The following NRG3 variants were observed in gnomAD, a reference collection of about 807,000 sequenced individuals.
NRG3 encodes neuregulin 3, also known as pro-neuregulin-3, membrane-bound isoform.
In NRG3, 31 loss-of-function variants were observed where a neutral mutation model predicts 66.9. The observed-to-expected ratio is 0.46, with a 90% CI of 0.35 to 0.63. The LOEUF is 0.63. NRG3 is among the 20% of genes least tolerant of loss of function. The probability of loss-of-function intolerance (pLI) is 0.00; values close to 1 mark genes in which losing one functional copy is unlikely to be tolerated. For missense variants in NRG3, 910 were observed against 878.9 expected (o/e 1.04, Z -0.45); for synonymous variants, 393 against 359.4 (o/e 1.09, Z -1.06).
rs546005439 is a variant in NRG3, at chr10:82,981,401, A to G, written c.1583+2281A>G. Among the ~76,000 whole-genome samples the G allele has an allele frequency of 3.9e-5, 6 of 152,302 alleles. No individual in the cohort carries two copies. In the East Asian group the frequency reaches 1.2e-3, roughly 29 times the overall value. On this transcript the variant is annotated intron_variant, in intron 8 of 8. Coordinates refer to ENST00000372141, the MANE Select transcript of NRG3 (RefSeq NM_001010848.4). ...CCAGCACAATGAATCTCAGGGAGCAATCTCATTCTCAGTTCTTAAAAACAG... is the reference window on the plus strand; with the variant it reads ...CCAGCACAATGAATCTCAGGGAGCAGTCTCATTCTCAGTTCTTAAAAACAG...
At chr10:81,920,631 A>G (rs1846168866) in intron 1 of NRG3, among the ~76,000 whole-genome samples, 1 of 152,226 alleles carries the variant, frequency 6.6e-6, no homozygotes, top group Non-Finnish European at 1.5e-5. Context: ...AATAATCTGT[A>G]ATTATGCCAA....
Position 82,057,358 on chromosome 10 carries a change from A to T in NRG3, c.823+181195A>T, listed in dbSNP as rs187570567. Among the ~76,000 whole-genome samples the T allele has an allele frequency of 1.7e-3, 255 of 152,038 alleles. 1 individual carries two copies. Among genetic ancestry groups the T allele is most frequent in the Middle Eastern group, 6.8e-3 (2 of 292 alleles). ...TATTTAAACATGTTACACATGCATG[A>T]TTTATAGTCTCTGTGTCATAAGTCC... is the stretch of plus-strand genomic sequence containing the variant. On this transcript the variant is annotated intron_variant, in intron 1 of 8. Coordinates refer to ENST00000372141, the MANE Select transcript of NRG3 (RefSeq NM_001010848.4).
At chr10:82,371,109 A>T (rs1176839201) in intron 2 of NRG3, among the ~76,000 whole-genome samples, 1 of 152,154 alleles carries the variant, frequency 6.6e-6, no homozygotes, top group Non-Finnish European at 1.5e-5. Context: ...TGGGAAGCCA[A>T]CAGAATCTAG....
intron 1 of NRG3, among the ~76,000 whole-genome samples, chr10:81,919,745 A>C (rs1056447338): frequency 6.6e-6 from 1 of 152,108 alleles, no homozygotes; most frequent in East Asian, 1.9e-4. Context: ...TGAAGCACTA[A>C]GGCACTCGAC....
At chr10:82,584,753 A>T (rs1289738222) in intron 2 of NRG3, among the ~76,000 whole-genome samples, 2 of 152,182 alleles carry the variant, frequency 1.3e-5, no homozygotes, top group Non-Finnish European at 2.9e-5. Context: ...GAGAATGCAG[A>T]TATAAGCATG....
At chr10:81,995,406 A>G (rs1175437458) in intron 1 of NRG3, among the ~76,000 whole-genome samples, 1 of 152,120 alleles carries the variant, frequency 6.6e-6, no homozygotes, top group Non-Finnish European at 1.5e-5. Flanking sequence ...GGTTTCATGC[A>G]TGTTGTGGCC....
chr10:82,862,366 C>A (rs2064175524), intron 3 of NRG3, among the ~76,000 whole-genome samples: 1 of 152,172 alleles, frequency 6.6e-6, no homozygotes, highest in Non-Finnish European at 1.5e-5. Context: ...GTCCCACAGG[C>A]ATAGCTAGAC....
At chr10:82,751,287 A>G (rs753060893) in intron 3 of NRG3, among the ~76,000 whole-genome samples, 4 of 152,192 alleles carry the variant, frequency 2.6e-5, no homozygotes, top group Non-Finnish European at 5.9e-5. Context: ...GATCTGGCAG[A>G]TAAACATTAG....
At chr10:82,164,101 A>T in intron 1 of NRG3, among the ~76,000 whole-genome samples, 1 of 151,770 alleles carries the variant, frequency 6.6e-6, no homozygotes, top group East Asian at 1.9e-4. Flanking sequence ...TTGCATTTTT[A>T]TTAGAGATGG....
chr10:82,752,894 T>C (rs1301667516), intron 3 of NRG3, among the ~76,000 whole-genome samples: 1 of 152,286 alleles, frequency 6.6e-6, no homozygotes, highest in Non-Finnish European at 1.5e-5. Flanking sequence ...AACGACCCAG[T>C]TTATGGTATT....
chr10:82,703,653 A>G (rs540444794), intron 2 of NRG3, among the ~76,000 whole-genome samples: 4 of 152,130 alleles, frequency 2.6e-5, no homozygotes, highest in Non-Finnish European at 5.9e-5. Flanking sequence ...ATTTCCTACC[A>G]ACACACTTGC....
chr10:82,601,944 TTGG>T (rs2047664710), intron 2 of NRG3, among the ~76,000 whole-genome samples: 2 of 148,778 alleles, frequency 1.3e-5, no homozygotes, highest in South Asian at 4.2e-4. Flanking sequence ...TTAACTAGGC[TTGG>T]TGGTGCATGC....
Position 82,453,039 on chromosome 10 carries a change from AGACAGTTTT to A in NRG3, c.953+94172_953+94180del, listed in dbSNP as rs2091096048. Among the ~76,000 whole-genome samples, 3 of 152,276 alleles carry A rather than the reference AGACAGTTTT, an allele frequency of 2.0e-5. No homozygotes were observed. In the South Asian group the frequency reaches 6.2e-4, roughly 32 times the overall value. ...TAAAAGAGGAGTATGAATCCTTAGTAGACAGTTTTCCAACTGTACCACTCTGTGTGATCT... is the reference window on the plus strand; with the variant it reads ...TAAAAGAGGAGTATGAATCCTTAGTACCAACTGTACCACTCTGTGTGATCT... On this transcript the variant is annotated intron_variant, in intron 2 of 8. Coordinates refer to ENST00000372141, the MANE Select transcript of NRG3 (RefSeq NM_001010848.4).
intron 1 of NRG3, among the ~76,000 whole-genome samples, chr10:82,221,618 A>G (rs1262762079): frequency 1.3e-5 from 2 of 152,226 alleles, no homozygotes; most frequent in Non-Finnish European, 2.9e-5. Flanking sequence ...TTACAAAGAG[A>G]AAAAGTTAAG....
At chr10:82,522,636 C>T (rs748874031) in intron 2 of NRG3, among the ~76,000 whole-genome samples, 1 of 151,200 alleles carries the variant, frequency 6.6e-6, no homozygotes, top group Non-Finnish European at 1.5e-5. Context: ...TGCCACAAAC[C>T]GTCAATTTGT....
chr10:82,109,992 G>T (rs1442578200), intron 1 of NRG3, among the ~76,000 whole-genome samples: 2 of 152,114 alleles, frequency 1.3e-5, no homozygotes, highest in East Asian at 3.9e-4. Flanking sequence ...AATATGCTAG[G>T]TAATGGAAAA....
chr10:82,629,793 G>A (rs1019435086), intron 2 of NRG3, among the ~76,000 whole-genome samples: 3 of 152,178 alleles, frequency 2.0e-5, no homozygotes, highest in Non-Finnish European at 2.9e-5. Flanking sequence ...AGTTGGGATA[G>A]ATCTGTGAAG....
chr10:82,800,024 G>T (rs2060970559), intron 3 of NRG3, among the ~76,000 whole-genome samples: 1 of 152,118 alleles, frequency 6.6e-6, no homozygotes, highest in African/African-American at 2.4e-5. Flanking sequence ...TGTCTGGATA[G>T]GTCCCTTGAC....
At chr10:82,500,981 A>G (rs768405655) in intron 2 of NRG3, among the ~76,000 whole-genome samples, 1 of 152,154 alleles carries the variant, frequency 6.6e-6, no homozygotes, top group Non-Finnish European at 1.5e-5. Context: ...ATGTCGTTAA[A>G]TAAGATAGGG....
Sources: allele counts gnomAD v4.1 joint callset (sites outside exome capture counted in the v4.1 genomes callset), GRCh38; gene constraint gnomAD v4.1.1; transcripts MANE v1.5; gene names NCBI Gene and HGNC (gene_info 2026-07-23, HGNC 2026-07-21).